The following GAP43 variants were observed in gnomAD, a reference collection of about 807,000 sequenced individuals.
GAP43 encodes the protein growth associated protein 43.
In GAP43, 6 loss-of-function variants were observed where a neutral mutation model predicts 18.6. The ratio of observed to expected loss-of-function variants is 0.32; its 90% CI spans 0.18 to 0.64. The LOEUF (loss-of-function observed/expected upper bound fraction) is 0.64, where lower values mean the gene tolerates loss of function less well. Among genes scored for constraint, GAP43 ranks in the 30% least tolerant of loss-of-function variants. The pLI is 0.78. For synonymous variants in GAP43, 115 were observed against 111.4 expected (o/e 1.03, Z -0.20); for missense variants, 292 against 295.5 (o/e 0.99, Z 0.09).
chr3:115,633,802 G>T (rs1051029376), intron 1 of GAP43, among the ~76,000 whole-genome samples: 1 of 152,196 alleles, frequency 6.6e-6, no homozygotes, highest in Non-Finnish European at 1.5e-5. Flanking sequence ...GAATGGTGTA[G>T]CTTTGCTCTA....
chr3:115,684,735 G>A (rs1373878970), intron 2 of GAP43, among the ~76,000 whole-genome samples: 1 of 152,108 alleles, frequency 6.6e-6, no homozygotes, highest in Non-Finnish European at 1.5e-5. Context: ...GTTAAGAGTT[G>A]GGATTAAAGC....
At chr3:115,683,147 G>GCGTGCGCA in intron 2 of GAP43, among the ~76,000 whole-genome samples, 1 of 127,446 alleles carries the variant, frequency 7.8e-6, no homozygotes, top group South Asian at 3.0e-4. Flanking sequence ...GCGCGCGCGC[G>GCGTGCGCA]CACACACACA....
chr3:115,662,168 T>C (rs1364363037), intron 1 of GAP43, among the ~76,000 whole-genome samples: 1 of 152,210 alleles, frequency 6.6e-6, no homozygotes, highest in African/African-American at 2.4e-5. Context: ...AATATGAGAA[T>C]AGTACTTCTA....
intron 2 of GAP43, among the ~76,000 whole-genome samples, chr3:115,688,017 A>ATTTG (rs1474660130): frequency 6.6e-6 from 1 of 151,498 alleles, no homozygotes; most frequent in Non-Finnish European, 1.5e-5. Context: ...TTATTTATTT[A>ATTTG]TTTATTTATT....
At chr3:115,702,834 CA>C (rs1372841102) in intron 2 of GAP43, among the ~76,000 whole-genome samples, 2 of 152,044 alleles carry the variant, frequency 1.3e-5, no homozygotes, top group Non-Finnish European at 2.9e-5. Flanking sequence ...TCAGCAGTTT[CA>C]GGCAAAAGGG....
chr3:115,712,356 G>A (rs1709451155), intron 2 of GAP43, among the ~76,000 whole-genome samples: 1 of 152,122 alleles, frequency 6.6e-6, no homozygotes, highest in Non-Finnish European at 1.5e-5. Context: ...TTCTAGGGGA[G>A]AAGGTCTCTT....
intron 2 of GAP43, among the ~76,000 whole-genome samples, chr3:115,711,955 T>C (rs949820401): frequency 6.6e-6 from 1 of 152,234 alleles, no homozygotes; most frequent in Non-Finnish European, 1.5e-5. Flanking sequence ...CCAAAAATTA[T>C]TGAGGGCAAG....
chr3:115,699,977 T>C (rs1329884615), intron 2 of GAP43, among the ~76,000 whole-genome samples: 1 of 152,144 alleles, frequency 6.6e-6, no homozygotes, highest in Admixed American at 6.6e-5. Flanking sequence ...CAGGAAACTA[T>C]GCAGTGGGAT....
intron 2 of GAP43, among the ~76,000 whole-genome samples, chr3:115,713,729 G>A (rs1709468270): frequency 6.6e-6 from 1 of 152,198 alleles, no homozygotes; most frequent in Non-Finnish European, 1.5e-5. Context: ...CTGTGAAATT[G>A]TCCACTTAAT....
intron 1 of GAP43, among the ~76,000 whole-genome samples, chr3:115,659,263 A>G (rs987425201): frequency 6.6e-6 from 1 of 152,168 alleles, no homozygotes; most frequent in Admixed American, 6.5e-5. Flanking sequence ...TTTGGAAAAC[A>G]ATGGCCTTTC....
At chr3:115,693,986 G>T (rs1195430402) in intron 2 of GAP43, among the ~76,000 whole-genome samples, 3 of 152,208 alleles carry the variant, frequency 2.0e-5, no homozygotes, top group Non-Finnish European at 4.4e-5. Flanking sequence ...TATTAATGGA[G>T]TTGAGCATCC....
At chr3:115,634,039 T>C (rs1034552741) in intron 1 of GAP43, among the ~76,000 whole-genome samples, 4 of 152,198 alleles carry the variant, frequency 2.6e-5, no homozygotes, top group African/African-American at 9.6e-5. Flanking sequence ...TATTGGTAAT[T>C]AGCCTTACAT....
At chr3:115,640,310 C>T (rs568108266) in intron 1 of GAP43, among the ~76,000 whole-genome samples, 52 of 152,024 alleles carry the variant, frequency 3.4e-4, no homozygotes, top group Non-Finnish European at 6.3e-4. Flanking sequence ...GTTTGGGTTG[C>T]CAAGAAAGCA....
chr3:115,662,373 A>C (rs1040010282), intron 1 of GAP43, among the ~76,000 whole-genome samples: 2 of 152,068 alleles, frequency 1.3e-5, no homozygotes, highest in African/African-American at 4.8e-5. Flanking sequence ...ATACTCATTT[A>C]CCAGAGGCTG....
At chr3:115,626,961 A>G (rs933368392) in intron 1 of GAP43, among the ~76,000 whole-genome samples, 1 of 151,644 alleles carries the variant, frequency 6.6e-6, no homozygotes, top group Admixed American at 6.6e-5. Context: ...AATCTCTCTG[A>G]GCCACACCCA....
At chr3:115,664,233 G>GTCA (rs1238386664) in intron 1 of GAP43, among the ~76,000 whole-genome samples, 1 of 151,344 alleles carries the variant, frequency 6.6e-6, no homozygotes, top group Non-Finnish European at 1.5e-5. Context: ...GGTATTTTAT[G>GTCA]TCATTACTTT....
At chr3:115,695,573 A>T (rs551671100) in intron 2 of GAP43, among the ~76,000 whole-genome samples, 1 of 152,318 alleles carries the variant, frequency 6.6e-6, no homozygotes, top group African/African-American at 2.4e-5. Context: ...AGTACAGAGA[A>T]CACATAACAT....
intron 2 of GAP43, among the ~76,000 whole-genome samples, chr3:115,683,139 G>GCACACA (rs1247509041): frequency 2.4e-4 from 30 of 126,198 alleles, no homozygotes; most frequent in African/African-American, 8.4e-4. Flanking sequence ...GCGCGTGCGC[G>GCACACA]CGCGCGCGCA....
At chr3:115,634,585 C>T (rs551168168) in intron 1 of GAP43, among the ~76,000 whole-genome samples, 11 of 151,952 alleles carry the variant, frequency 7.2e-5, no homozygotes, top group Non-Finnish European at 1.5e-4. Flanking sequence ...GCCTGGGAAA[C>T]ATAGTGAGAC....
Sources: gnomAD v4.1 joint callset for allele counts (sites outside exome capture counted in the v4.1 genomes callset) on GRCh38, gnomAD v4.1.1 for gene constraint, MANE v1.5 for transcripts, NCBI Gene and HGNC (gene_info 2026-07-23, HGNC 2026-07-21) for gene names.